The following LRRC4C variants were observed in gnomAD, a reference collection of about 807,000 sequenced individuals.
LRRC4C encodes the protein leucine rich repeat containing 4C, also known as leucine-rich repeat-containing protein 4C.
In LRRC4C, 5 loss-of-function variants were observed where a neutral mutation model predicts 33.6. The observed-to-expected ratio is 0.15, with a 90% confidence interval of 0.08 to 0.31. The LOEUF (loss-of-function observed/expected upper bound fraction) is 0.31, where lower values mean the gene tolerates loss of function less well. Ranked by LOEUF, LRRC4C falls within the 10% of genes least tolerant of loss-of-function variation. LRRC4C has a pLI of 1.00. For synonymous variants in LRRC4C, 329 were observed against 302.0 expected (o/e 1.09, Z -0.93); for missense variants, 560 against 796.7 (o/e 0.70, Z 3.58).
At chr11:40,861,026 T>A (rs2135843350) in intron 2 of LRRC4C, among the ~76,000 whole-genome samples, 1 of 152,276 alleles carries the variant, frequency 6.6e-6, no homozygotes, top group Non-Finnish European at 1.5e-5. Flanking sequence ...ACATGTCTTA[T>A]AATTGTAAAT....
chr11:40,635,178 T>C (rs1000113185), intron 3 of LRRC4C, among the ~76,000 whole-genome samples: 3 of 152,198 alleles, frequency 2.0e-5, no homozygotes, highest in African/African-American at 7.2e-5. Context: ...TTACCAGCCC[T>C]TTCTTATGCT....
At chr11:40,315,366 C>T (rs1945525499) in intron 4 of LRRC4C, among the ~76,000 whole-genome samples, 1 of 151,654 alleles carries the variant, frequency 6.6e-6, no homozygotes, top group Non-Finnish European at 1.5e-5. Flanking sequence ...AGTTTATGTA[C>T]CTACATGTCT....
intron 2 of LRRC4C, among the ~76,000 whole-genome samples, chr11:40,900,458 T>C (rs1332039877): frequency 1.3e-5 from 2 of 152,052 alleles, no homozygotes; most frequent in Admixed American, 6.6e-5. Flanking sequence ...TAATTGCCAC[T>C]AGGAATAATT....
chr11:41,143,105 T>A (rs907867157), intron 1 of LRRC4C, among the ~76,000 whole-genome samples: 2 of 151,884 alleles, frequency 1.3e-5, no homozygotes, highest in Non-Finnish European at 2.9e-5. Context: ...GATAAAGAAA[T>A]AAAGAAGGGT....
chr11:41,033,178 T>C (rs576892453), intron 1 of LRRC4C, among the ~76,000 whole-genome samples: 5 of 151,958 alleles, frequency 3.3e-5, no homozygotes, highest in South Asian at 2.1e-4. Flanking sequence ...AAGGGGAATA[T>C]TGAGGAAAAA....
At chr11:41,331,375 A>G (rs1951287545) in intron 1 of LRRC4C, among the ~76,000 whole-genome samples, 2 of 152,198 alleles carry the variant, frequency 1.3e-5, no homozygotes, top group Admixed American at 1.3e-4. Context: ...GATTAAAGAA[A>G]CCACACTTGG....
At chr11:40,857,508 C>A (rs1953849337) in intron 2 of LRRC4C, among the ~76,000 whole-genome samples, 1 of 152,170 alleles carries the variant, frequency 6.6e-6, no homozygotes, top group Non-Finnish European at 1.5e-5. Flanking sequence ...TATAGTCACA[C>A]ACTGAGGGAA....
At chr11:41,043,488 C>T (rs1368978369) in intron 1 of LRRC4C, among the ~76,000 whole-genome samples, 1 of 151,574 alleles carries the variant, frequency 6.6e-6, no homozygotes, top group East Asian at 1.9e-4. Flanking sequence ...TGTATCAAGG[C>T]TATTCCTTCC....
chr11:41,017,131 CA>C (rs1372744469), intron 1 of LRRC4C, among the ~76,000 whole-genome samples: 1 of 152,028 alleles, frequency 6.6e-6, no homozygotes, highest in African/African-American at 2.4e-5. Flanking sequence ...TGAACAAGAG[CA>C]AAAATAAAAT....
intron 2 of LRRC4C, among the ~76,000 whole-genome samples, chr11:40,817,166 T>C (rs943774856): frequency 1.3e-5 from 2 of 152,256 alleles, no homozygotes; most frequent in Admixed American, 6.5e-5. Context: ...TTCCTGCCAG[T>C]GTGTCTGAAC....
intron 1 of LRRC4C, among the ~76,000 whole-genome samples, chr11:40,946,074 C>T (rs1421743420): frequency 6.6e-6 from 1 of 152,072 alleles, no homozygotes; most frequent in South Asian, 2.1e-4. Flanking sequence ...TTTTTCCACC[C>T]TTGTTTCTCT....
At chr11:40,554,205 A>G (rs1441806004) in intron 3 of LRRC4C, among the ~76,000 whole-genome samples, 1 of 152,048 alleles carries the variant, frequency 6.6e-6, no homozygotes, top group Non-Finnish European at 1.5e-5. Flanking sequence ...AGGTCCTTTC[A>G]CCATGTTTAT....
At chr11:40,142,468 A>T (rs186137935) in intron 5 of LRRC4C, among the ~76,000 whole-genome samples, 50 of 152,158 alleles carry the variant, frequency 3.3e-4, no homozygotes, top group Non-Finnish European at 6.8e-4. Flanking sequence ...AGGCAAAGAA[A>T]AGGTGGGAGG....
rs566115753 is a variant in LRRC4C, at chr11:40,925,407, T to C, written c.-407+8228A>G. 1.2e-4 allele frequency among the ~76,000 whole-genome samples: 18 copies of C among 152,280 alleles called. No individual in the cohort carries two copies. The South Asian group carries it at 2.9e-3, about 25-fold the overall frequency. On this transcript the variant is annotated intron_variant, in intron 2 of 6. Transcript: ENST00000528697. ...CTCCATTTCTTTGCCATGGCAACTG[T>C]CAGTGGTCCAGGGAGTATCTGCTAC...
chr11:40,706,660 T>C (rs1946182983), intron 2 of LRRC4C, among the ~76,000 whole-genome samples: 1 of 152,164 alleles, frequency 6.6e-6, no homozygotes, highest in African/African-American at 2.4e-5. Context: ...TCCAGCTTTG[T>C]TCTTTTGGCT....
At chr11:40,977,251 C>T (rs549694228) in intron 1 of LRRC4C, among the ~76,000 whole-genome samples, 36 of 152,246 alleles carry the variant, frequency 2.4e-4, no homozygotes, top group South Asian at 4.1e-4. Flanking sequence ...TCCTCCTATG[C>T]GGCCTGGTTC....
intron 2 of LRRC4C, among the ~76,000 whole-genome samples, chr11:40,713,713 G>A (rs1378391645): frequency 2.6e-5 from 4 of 152,022 alleles, no homozygotes; most frequent in East Asian, 1.9e-4. Flanking sequence ...TCTCCTTCTC[G>A]CTGATATAAA....
At chr11:40,379,362 C>T (rs573724336) in intron 3 of LRRC4C, among the ~76,000 whole-genome samples, 2 of 151,972 alleles carry the variant, frequency 1.3e-5, no homozygotes, top group African/African-American at 2.4e-5. Flanking sequence ...GTTTTAAACC[C>T]AATTATTTCT....
chr11:40,356,298 A>G (rs1947667962), intron 3 of LRRC4C, among the ~76,000 whole-genome samples: 1 of 152,190 alleles, frequency 6.6e-6, no homozygotes, highest in Non-Finnish European at 1.5e-5. Flanking sequence ...CCAGCTCCAG[A>G]ACACCTCCGA....
Sources: allele counts gnomAD v4.1 joint callset (sites outside exome capture counted in the v4.1 genomes callset), GRCh38; gene constraint gnomAD v4.1.1; transcripts MANE v1.5; gene names NCBI Gene and HGNC (gene_info 2026-07-23, HGNC 2026-07-21).